Variants in ZC3H12B observed in about 807,000 individuals in gnomAD.
The protein encoded by ZC3H12B is zinc finger CCCH-type containing 12B, also known as probable ribonuclease ZC3H12B.
In ZC3H12B, 7 loss-of-function variants were observed where a neutral mutation model predicts 43.9. That is an observed-to-expected ratio of 0.16 (90% confidence interval 0.09 to 0.30). ZC3H12B has a LOEUF of 0.30. Ranked by LOEUF, ZC3H12B falls within the 10% of genes least tolerant of loss-of-function variation. ZC3H12B has a pLI of 1.00. For missense variants in ZC3H12B, 475 were observed against 670.2 expected (o/e 0.71, Z 3.22); for synonymous variants, 222 against 241.7 (o/e 0.92, Z 0.76).
chrX:65,143,744 T>A, the ZC3H12B span, among the ~76,000 whole-genome samples: 3 of 108,322 alleles, frequency 2.8e-5, no homozygotes, highest in African/African-American at 1.0e-4. Flanking sequence ...TTTTTTTTAA[T>A]TTTTAATAGC....
At chrX:65,127,836 CA>C in the ZC3H12B span, among the ~76,000 whole-genome samples, 32 of 111,155 alleles carry the variant, frequency 2.9e-4, no homozygotes, top group African/African-American at 1.0e-3. Flanking sequence ...ACCCCCCTCC[CA>C]CACAGTTTAC....
At chrX:65,276,928 T>C in the ZC3H12B span, among the ~76,000 whole-genome samples, 4 of 111,558 alleles carry the variant, frequency 3.6e-5, no homozygotes, top group African/African-American at 3.3e-5. Context: ...AAGATATACA[T>C]TGGCTGAATG....
chrX:65,285,628 A>G, the ZC3H12B span, among the ~76,000 whole-genome samples: 4 of 111,749 alleles, frequency 3.6e-5, no homozygotes, highest in African/African-American at 1.3e-4. Context: ...GAAACAAAAG[A>G]AAAATAAAGC....
chrX:65,257,244 A>T, the ZC3H12B span, among the ~76,000 whole-genome samples: 16 of 112,307 alleles, frequency 1.4e-4, no homozygotes, highest in South Asian at 6.0e-3. Flanking sequence ...AAAATGTGGC[A>T]CATATACACC....
rs770490342 is a variant in ZC3H12B, at chrX:65,501,239, CTT to C, written c.1091-527_1091-526del. ...AAAAATTAAAACTGCTCAGCTTTAG[CTT>C]TTTTTTTTTTTTTTTTTTTTTTGAG... On this transcript the variant is annotated intron_variant, in intron 4 of 4. Transcript: ENST00000338957. 3.7e-3 allele frequency among the ~76,000 whole-genome samples: 234 copies of C among 63,332 alleles called. 1 individual carries two copies. The highest frequency in any genetic ancestry group is 0.018 in the African/African-American group (214 of 11,777). 55.0% of individuals were successfully genotyped at this position (63,332 alleles called of 115,157 possible).
the ZC3H12B span, among the ~76,000 whole-genome samples, chrX:65,128,654 C>T: frequency 8.9e-6 from 1 of 111,993 alleles, no homozygotes; most frequent in African/African-American, 3.2e-5. Context: ...TTGTTGAAGT[C>T]TCCAACTAAA....
chrX:65,323,737 T>C, the ZC3H12B span, among the ~76,000 whole-genome samples: 1 of 111,775 alleles, frequency 8.9e-6, no homozygotes, highest in East Asian at 2.8e-4. Context: ...TCAAATGGTA[T>C]TTCTAGTTCT....
At chrX:65,411,300 G>A (rs924426185) in intron 3 of ZC3H12B, among the ~76,000 whole-genome samples, 7 of 112,224 alleles carry the variant, frequency 6.2e-5, no homozygotes, top group Non-Finnish European at 9.4e-5. Context: ...CTTACCAGAG[G>A]CTAAGAGGAG....
the ZC3H12B span, among the ~76,000 whole-genome samples, chrX:65,073,953 C>T: frequency 2.8e-3 from 319 of 111,934 alleles, 3 homozygotes; most frequent in African/African-American, 9.6e-3. Context: ...GCTAGGAGTG[C>T]GCCAGTTGTC....
the ZC3H12B span, among the ~76,000 whole-genome samples, chrX:65,247,693 C>T: frequency 8.9e-6 from 1 of 111,888 alleles, no homozygotes; most frequent in East Asian, 2.8e-4. Context: ...ATTATGAGAA[C>T]ACATGGTTGG....
the ZC3H12B span, among the ~76,000 whole-genome samples, chrX:65,035,985 A>G: frequency 3.6e-5 from 4 of 111,666 alleles, no homozygotes; most frequent in Non-Finnish European, 7.5e-5. Context: ...TATTATAAAT[A>G]CGATGATGAA....
At chrX:65,168,011 A>G in the ZC3H12B span, among the ~76,000 whole-genome samples, 5 of 111,401 alleles carry the variant, frequency 4.5e-5, no homozygotes, top group East Asian at 1.4e-3. Flanking sequence ...TTTTTTCCTA[A>G]TTGAATACCC....
At chrX:65,243,291 T>C in the ZC3H12B span, among the ~76,000 whole-genome samples, 1 of 112,335 alleles carries the variant, frequency 8.9e-6, no homozygotes, top group Non-Finnish European at 1.9e-5. Flanking sequence ...TGTTCTGTTT[T>C]ACAAATGGGT....
chrX:65,171,324 C>T, the ZC3H12B span, among the ~76,000 whole-genome samples: 1 of 111,296 alleles, frequency 9.0e-6, no homozygotes, highest in African/African-American at 3.3e-5. Flanking sequence ...CCCTGTTTTC[C>T]TGGGTATCAC....
chrX:65,111,220 C>T, the ZC3H12B span, among the ~76,000 whole-genome samples: 1 of 111,037 alleles, frequency 9.0e-6, no homozygotes, highest in African/African-American at 3.3e-5. Context: ...ACTGTTATAT[C>T]CTTATCTTGC....
the ZC3H12B span, among the ~76,000 whole-genome samples, chrX:65,200,426 CTTT>C: frequency 6.7e-5 from 4 of 59,619 alleles, no homozygotes; most frequent in Admixed American, 1.9e-4. Context: ...ATAGTTTCCT[CTTT>C]TTTTTTTTTT....
At chrX:65,308,730 C>T in the ZC3H12B span, among the ~76,000 whole-genome samples, 20 of 111,457 alleles carry the variant, frequency 1.8e-4, no homozygotes, top group Non-Finnish European at 3.6e-4. Context: ...TTGACCACAT[C>T]GGTGGAAGTA....
the ZC3H12B span, among the ~76,000 whole-genome samples, chrX:65,111,288 C>G: frequency 9.0e-6 from 1 of 111,483 alleles, no homozygotes; most frequent in Non-Finnish European, 1.9e-5. Flanking sequence ...TAAGAGCATA[C>G]ATCCTTGCCT....
At chrX:65,176,038 G>A in the ZC3H12B span, among the ~76,000 whole-genome samples, 1 of 111,523 alleles carries the variant, frequency 9.0e-6, no homozygotes, top group East Asian at 2.8e-4. Flanking sequence ...CAGTGAGACA[G>A]AACCATTCAC....
Sources: gnomAD v4.1 joint callset for allele counts (sites outside exome capture counted in the v4.1 genomes callset) on GRCh38, gnomAD v4.1.1 for gene constraint, MANE v1.5 for transcripts, NCBI Gene and HGNC (gene_info 2026-07-23, HGNC 2026-07-21) for gene names.